The following RAB9B variants were observed in gnomAD, a reference collection of about 807,000 sequenced individuals.
The protein encoded by RAB9B is RAB9B, member RAS oncogene family.
RAB9B carries 1 observed loss-of-function variant against 8.9 expected under a neutral mutation model. That is an observed-to-expected ratio of 0.11 (90% CI 0.04 to 0.53). RAB9B has a LOEUF of 0.53. RAB9B is among the 20% of genes least tolerant of loss of function. The pLI is 0.93. For missense variants in RAB9B, 82 were observed against 152.9 expected (o/e 0.54, Z 2.45); for synonymous variants, 63 against 57.0 (o/e 1.10, Z -0.47).
At chrX:103,799,303 C>A in the RAB9B span, among the ~76,000 whole-genome samples, 1 of 103,768 alleles carries the variant, frequency 9.6e-6, no homozygotes, top group Non-Finnish European at 1.9e-5. Context: ...TGGCATATTT[C>A]CTTTGAAAGG....
chrX:103,796,594 T>C, the RAB9B span, among the ~76,000 whole-genome samples: 2 of 110,674 alleles, frequency 1.8e-5, no homozygotes, highest in Non-Finnish European at 3.8e-5. Flanking sequence ...CACATCTCAT[T>C]TTATCCTCAC....
intron 1 of RAB9B, among the ~76,000 whole-genome samples, chrX:103,829,345 A>G (rs181515229): frequency 8.9e-6 from 1 of 111,982 alleles, no homozygotes; most frequent in East Asian, 2.8e-4. Flanking sequence ...TACAGTGCCT[A>G]TTGTGTGTTG....
chrX:103,798,644 AT>A, the RAB9B span, among the ~76,000 whole-genome samples: 508 of 98,193 alleles, frequency 5.2e-3, no homozygotes, highest in Non-Finnish European at 6.7e-3. Flanking sequence ...GCAAACTACA[AT>A]TTTTTTTTTT....
the RAB9B span, chrX:103,780,413 G>A: frequency 9.6e-6 from 1 of 104,178 alleles, no homozygotes; most frequent in Non-Finnish European, 2.0e-5. Flanking sequence ...AAATTGGAAT[G>A]TGTACATCAT....
the RAB9B span, chrX:103,788,008 G>A: frequency 7.7e-5 from 80 of 1,044,983 alleles, 1 homozygote; most frequent in Non-Finnish European, 1.0e-4. Context: ...TACCCACTAT[G>A]GAAGCACTAT....
chrX:103,786,402 G>A, the RAB9B span: 1 of 1,153,864 alleles, frequency 8.7e-7, no homozygotes, highest in Non-Finnish European at 1.2e-6. Context: ...CTTATGTCGG[G>A]AAAGAAGCCA....
At chrX:103,794,901 A>C in the RAB9B span, among the ~76,000 whole-genome samples, 1 of 112,056 alleles carries the variant, frequency 8.9e-6, no homozygotes, top group Non-Finnish European at 1.9e-5. Context: ...TCCTGTTCTG[A>C]GACTCCTTGA....
chrX:103,825,510 C>T lies in RAB9B; in HGVS notation c.275G>A (p.Arg92Gln), dbSNP rs1202532042. Reference protein sequence around the residue: ...CCLLTFSVDDRQSFENLGNWQ... With the variant: ...CCLLTFSVDDQQSFENLGNWQ... Reference sequence around the variant, plus strand: ...GTTACCAAGATTCTCGAAGCTCTGCCGATCATCCACGCTGAAGGTCAAGAG... The same window carrying T: ...GTTACCAAGATTCTCGAAGCTCTGCTGATCATCCACGCTGAAGGTCAAGAG... The change falls in exon 3 of 3, where the codon CGG (arginine) becomes CAG (glutamine). Residue 92 changes from arginine (R) to glutamine (Q), a missense_variant. Physicochemically the swap from Arg to Gln is conservative, Grantham distance 43. Coordinates refer to ENST00000243298, the MANE Select transcript of RAB9B (RefSeq NM_016370.4). 2 of 1,209,618 alleles carry T rather than the reference C, an allele frequency of 1.7e-6. No individual in the cohort carries two copies. Among genetic ancestry groups the T allele is most frequent in the Non-Finnish European group, 2.2e-6 (2 of 895,194 alleles).
downstream of RAB9B, among the ~76,000 whole-genome samples, chrX:103,819,283 A>G (rs1424772486): frequency 8.9e-6 from 1 of 112,210 alleles, no homozygotes; most frequent in East Asian, 2.8e-4. Context: ...ATTAAAATTC[A>G]GGAGTGTTAT....
the RAB9B span, among the ~76,000 whole-genome samples, chrX:103,808,982 A>T: frequency 3.5e-5 from 4 of 112,983 alleles, no homozygotes; most frequent in Non-Finnish European, 7.5e-5. Context: ...AATGGTTGTT[A>T]TGGAATGAAT....
At chrX:103,788,091 C>A in the RAB9B span, 1 of 586,856 alleles carries the variant, frequency 1.7e-6, no homozygotes, top group South Asian at 2.4e-5. Context: ...ATGATTGGGT[C>A]TTAGTTTATT....
the RAB9B span, among the ~76,000 whole-genome samples, chrX:103,782,745 C>T: frequency 9.0e-6 from 1 of 110,651 alleles, no homozygotes; most frequent in African/African-American, 3.3e-5. Context: ...GCTCTTCTTA[C>T]CCTCGGCTAA....
chrX:103,809,296 A>C, the RAB9B span, among the ~76,000 whole-genome samples: 1 of 111,487 alleles, frequency 9.0e-6, no homozygotes, highest in East Asian at 2.8e-4. Context: ...GTAAGAGATA[A>C]ATTTCTTTCT....
chrX:103,786,165 C>A, the RAB9B span: 17 of 1,115,487 alleles, frequency 1.5e-5, no homozygotes, highest in Non-Finnish European at 1.7e-5. Context: ...TAGCTCCCTA[C>A]TCCTGTGAGT....
chrX:103,829,239 C>G (rs1242072367), intron 1 of RAB9B, among the ~76,000 whole-genome samples: 1 of 111,426 alleles, frequency 9.0e-6, no homozygotes, highest in Non-Finnish European at 1.9e-5. Flanking sequence ...TGTTCCTCAA[C>G]AAGCTTGAAC....
chrX:103,783,811 T>A, the RAB9B span, among the ~76,000 whole-genome samples: 1 of 112,033 alleles, frequency 8.9e-6, no homozygotes, highest in Non-Finnish European at 1.9e-5. Context: ...TAATACAATT[T>A]ATTTTTATTG....
the RAB9B span, among the ~76,000 whole-genome samples, chrX:103,801,559 T>C: frequency 8.9e-6 from 1 of 112,098 alleles, no homozygotes; most frequent in Non-Finnish European, 1.9e-5. Context: ...TTTGATTATG[T>C]ACCAGCATTG....
chrX:103,794,502 C>G, the RAB9B span, among the ~76,000 whole-genome samples: 1 of 111,431 alleles, frequency 9.0e-6, no homozygotes, highest in Non-Finnish European at 1.9e-5. Flanking sequence ...CCTTTTGTCT[C>G]TATCCAGGCT....
At chrX:103,778,381 A>G in the RAB9B span, among the ~76,000 whole-genome samples, 1 of 112,071 alleles carries the variant, frequency 8.9e-6, no homozygotes, top group Non-Finnish European at 1.9e-5. Flanking sequence ...GGTCAGAATC[A>G]TTTGACCAAT....
Sources: allele counts gnomAD v4.1 joint callset (sites outside exome capture counted in the v4.1 genomes callset), GRCh38; gene constraint gnomAD v4.1.1; transcripts MANE v1.5; gene names NCBI Gene and HGNC (gene_info 2026-07-23, HGNC 2026-07-21).